The following ESR2 variants were observed in gnomAD, a reference collection of about 807,000 sequenced individuals.
ESR2 encodes estrogen receptor beta.
A neutral mutation model predicts 49.6 loss-of-function variants in ESR2; 36 were observed. That is an observed-to-expected ratio of 0.73 (90% CI 0.56 to 0.96). The LOEUF is 0.96. ESR2 is among the 40% of genes least tolerant of loss of function. The pLI is 0.00. For synonymous variants in ESR2, 320 were observed against 266.1 expected (o/e 1.20, Z -1.97); for missense variants, 714 against 693.0 (o/e 1.03, Z -0.34).
intron 3 of ESR2, among the ~76,000 whole-genome samples, chr14:64,270,041 G>C (rs1001689934): frequency 6.6e-6 from 1 of 152,112 alleles, no homozygotes; most frequent in Non-Finnish European, 1.5e-5. Flanking sequence ...TAATAAAATA[G>C]ATGAGAAGCA....
At chr14:64,236,280 C>G (rs1196651044) in intron 7 of ESR2, among the ~76,000 whole-genome samples, 2 of 152,174 alleles carry the variant, frequency 1.3e-5, no homozygotes, top group Non-Finnish European at 1.5e-5. Flanking sequence ...AAATATTCAT[C>G]TTTTCAATAG....
rs545004500 is a variant in ESR2, at chr14:64,332,754, C to T, written c.-91+5144G>A. Among the ~76,000 whole-genome samples the T allele has an allele frequency of 5.6e-3, 819 of 145,346 alleles. 11 individuals carry two copies. The highest frequency in any genetic ancestry group is 0.02 in the African/African-American group (791 of 39,322). ...GGCGGAGCTTGCAGTGAGCGGAGATCGCACCACTGCACTCCAGCCTGGGGG... is the reference window on the plus strand; with the variant it reads ...GGCGGAGCTTGCAGTGAGCGGAGATTGCACCACTGCACTCCAGCCTGGGGG... On this transcript the variant is annotated intron_variant, in intron 1 of 8. Transcript: ENST00000358599.
intron 1 of ESR2, among the ~76,000 whole-genome samples, chr14:64,311,352 A>G (rs935385048): frequency 6.6e-6 from 1 of 152,154 alleles, no homozygotes; most frequent in Non-Finnish European, 1.5e-5. Context: ...TTAAAAGCCT[A>G]CAACACACTG....
intron 4 of ESR2, among the ~76,000 whole-genome samples, chr14:64,266,988 C>T (rs541158947): frequency 9.9e-5 from 15 of 152,188 alleles, no homozygotes; most frequent in Non-Finnish European, 1.9e-4. Flanking sequence ...TCAAACTATT[C>T]TCCTTCCTCA....
rs960367887 is a variant in ESR2 at position 64,230,870 on chromosome 14, T to C, written c.*2267A>G. On this transcript the variant is annotated 3_prime_UTR_variant, in exon 9 of 9. Coordinates refer to ENST00000341099, the MANE Select transcript of ESR2 (RefSeq NM_001437.3). ...CTACTCTCAAAAAAAAAAAATTATATATATATATATATATATATTTCGTGG... is the reference window on the plus strand; with the variant it reads ...CTACTCTCAAAAAAAAAAAATTATACATATATATATATATATATTTCGTGG... 1.6e-5 allele frequency: 2 copies of C among 125,014 alleles called. No individual in the cohort carries two copies. The highest frequency in any genetic ancestry group is 5.3e-5 in the African/African-American group (2 of 37,408). The allele number at this position is 125,014 out of a possible 1,614,324, so 7.7% of individuals were successfully genotyped here.
At chr14:64,308,475 C>T (rs2077140363) in intron 1 of ESR2, among the ~76,000 whole-genome samples, 1 of 151,988 alleles carries the variant, frequency 6.6e-6, no homozygotes, top group Non-Finnish European at 1.5e-5. Flanking sequence ...GTTTTATTTT[C>T]CAAACATTTG....
chr14:64,299,399 C>CTTTTT (rs541707521), upstream of ESR2, among the ~76,000 whole-genome samples: 5 of 125,648 alleles, frequency 4.0e-5, no homozygotes, highest in Non-Finnish European at 6.6e-5. Context: ...ACAGAAATAG[C>CTTTTT]TTTTTTTTTT....
intron 4 of ESR2, among the ~76,000 whole-genome samples, chr14:64,263,385 G>A (rs1288248905): frequency 6.6e-6 from 1 of 152,106 alleles, no homozygotes; most frequent in Non-Finnish European, 1.5e-5. Context: ...GGCCAGGTGC[G>A]CTGGCTCATG....
intron 6 of ESR2, among the ~76,000 whole-genome samples, chr14:64,251,561 T>A (rs1490781898): frequency 6.6e-6 from 1 of 152,160 alleles, no homozygotes; most frequent in Non-Finnish European, 1.5e-5. Context: ...ATATATGCCA[T>A]TTTCACTGCA....
chr14:64,333,041 T>G (rs2077482521), intron 1 of ESR2, among the ~76,000 whole-genome samples: 1 of 151,642 alleles, frequency 6.6e-6, no homozygotes, highest in South Asian at 2.1e-4. Context: ...CACGCCCAGC[T>G]AATTTTTTGT....
intron 4 of ESR2, among the ~76,000 whole-genome samples, chr14:64,263,074 C>CTT (rs1166492866): frequency 1.3e-5 from 2 of 152,096 alleles, no homozygotes; most frequent in Admixed American, 1.3e-4. Context: ...ACCCAAATAT[C>CTT]AGTTATCACA....
At chr14:64,299,654 G>A (rs571488733) in intron 1 of ESR2, among the ~76,000 whole-genome samples, 9 of 152,222 alleles carry the variant, frequency 5.9e-5, no homozygotes, top group African/African-American at 2.2e-4. Flanking sequence ...CAGCCACCGC[G>A]CCCAGCCCAG....
chr14:64,298,663 C>T (rs2076987286), upstream of ESR2, among the ~76,000 whole-genome samples: 1 of 152,200 alleles, frequency 6.6e-6, no homozygotes, highest in African/African-American at 2.4e-5. Context: ...CAAGGTTGCT[C>T]TGACCTGCAG....
rs140630557 is a variant in ESR2 at position 64,280,117 on chromosome 14, G to T, written c.399C>A (p.Cys133Ter). The T allele has an allele frequency of 3.0e-5, 49 of 1,613,906 alleles. No homozygotes were observed. The highest frequency in any genetic ancestry group is 4.0e-5 in the Non-Finnish European group (47 of 1,179,958). ...AACCTGGACCAGTAACAGGGCTGGC[G>T]CAACGGTTCCCACTAACCTTCCTTT... Reference protein sequence around the residue: ...TLKRKVSGNRCASPVTGPGSK... With the variant: ...TLKRKVSGNR The change falls in exon 3 of 9, where the codon TGC becomes TGA. Residue 133 changes from cysteine (C) to a stop codon, truncating the protein, a stop_gained. Coordinates refer to ENST00000341099, the MANE Select transcript of ESR2 (RefSeq NM_001437.3). LOFTEE classifies it high-confidence loss of function.
chr14:64,266,997 CA>C (rs1374297472), intron 4 of ESR2, among the ~76,000 whole-genome samples: 3 of 152,176 alleles, frequency 2.0e-5, no homozygotes, highest in African/African-American at 4.8e-5. Flanking sequence ...TCTCCTTCCT[CA>C]GCCTCCCAAG....
At chr14:64,300,150 C>G (rs1228003435) in intron 1 of ESR2, among the ~76,000 whole-genome samples, 1 of 152,302 alleles carries the variant, frequency 6.6e-6, no homozygotes, top group Middle Eastern at 3.4e-3. Flanking sequence ...TCACACCAAC[C>G]CTACAATGTT....
intron 1 of ESR2, among the ~76,000 whole-genome samples, chr14:64,310,123 C>T (rs2077167786): frequency 6.6e-6 from 1 of 150,472 alleles, no homozygotes; most frequent in Admixed American, 6.6e-5. Flanking sequence ...AAATACAAAA[C>T]TTAGCCGAGC....
chr14:64,293,342 GTC>G (rs1249770031), intron 1 of ESR2, among the ~76,000 whole-genome samples: 1 of 152,146 alleles, frequency 6.6e-6, no homozygotes, highest in Non-Finnish European at 1.5e-5. Context: ...ATAAGGCAAA[GTC>G]TGTCCTCCAA....
chr14:64,281,229 C>T (rs1264161033), intron 2 of ESR2, among the ~76,000 whole-genome samples: 6 of 152,154 alleles, frequency 3.9e-5, no homozygotes, highest in South Asian at 2.1e-4. Context: ...CATAAAGGAA[C>T]GAAAAGTCTA....
Sources: gnomAD v4.1 joint callset for allele counts (sites outside exome capture counted in the v4.1 genomes callset) on GRCh38, gnomAD v4.1.1 for gene constraint, MANE v1.5 for transcripts, NCBI Gene and HGNC (gene_info 2026-07-23, HGNC 2026-07-21) for gene names.